CIC: variants seen among roughly 807,000 people sequenced by gnomAD.
CIC encodes the protein capicua transcriptional repressor.
In CIC, 18 loss-of-function variants were observed where a neutral mutation model predicts 115.7. That is an observed-to-expected ratio of 0.16 (90% CI 0.11 to 0.23). The LOEUF is 0.23. Ranked by LOEUF, CIC falls within the 10% of genes least tolerant of loss-of-function variation. The pLI, the probability that CIC is intolerant of heterozygous loss-of-function variation, is 1.00. For missense variants in CIC, 2,000 were observed against 2,159.3 expected (o/e 0.93, Z 1.46); for synonymous variants, 1,076 against 923.0 (o/e 1.17, Z -3.01).
chr19:42,285,132 G>A (rs1568499596), intron 2 of CIC, among the ~76,000 whole-genome samples: 1 of 152,126 alleles, frequency 6.6e-6, no homozygotes, highest in Non-Finnish European at 1.5e-5. Flanking sequence ...GCTAAGGACA[G>A]GGCTCAGGAA....
rs2037179391 is a variant in CIC at position 42,280,458 on chromosome 19, C to T, written c.2794+5881C>T. On this transcript the variant is annotated intron_variant, in intron 2 of 20. Coordinates refer to ENST00000681038, the MANE Select transcript of CIC (RefSeq NM_001386298.1). This position sits in a 1 kb window ranked among gnomAD's most constrained non-coding sequence, Gnocchi z 4.9. ...TTCCCGCGCGCCCCTGGGTGCAGAC[C>T]TCCTGTGTCGGGCCTCCGTCCTTCT... 2.0e-5 allele frequency among the ~76,000 whole-genome samples: 3 copies of T among 152,290 alleles called. No homozygotes were observed. Among genetic ancestry groups the T allele is most frequent in the Admixed American group, 2.0e-4 (3 of 15,306 alleles).
intron 2 of CIC, among the ~76,000 whole-genome samples, chr19:42,276,925 C>A (rs1270366123): frequency 6.6e-6 from 1 of 152,138 alleles, no homozygotes; most frequent in Non-Finnish European, 1.5e-5. Context: ...AAAAGTGAGG[C>A]CCTGACAAAT....
At chr19:42,278,900 A>G (rs2037097678) in intron 2 of CIC, among the ~76,000 whole-genome samples, 1 of 152,210 alleles carries the variant, frequency 6.6e-6, no homozygotes, top group African/African-American at 2.4e-5. Context: ...ACCTGTTCCC[A>G]AGACAGGCAG....
chr19:42,286,973 T>C (rs939057598), intron 3 of CIC, 33 bp from the exon 4 acceptor site: 20 of 1,607,956 alleles, frequency 1.2e-5, no homozygotes, highest in Admixed American at 1.7e-5. Context: ...CCAGGTGGCC[T>C]AGGAGCCCTC....
chr19:42,290,143 T>G (rs2037968430), intron 10 of CIC, 90 bp from the exon 11 acceptor site: 3 of 1,585,816 alleles, frequency 1.9e-6, no homozygotes, highest in African/African-American at 2.7e-5. Flanking sequence ...TAGGCTGGCC[T>G]GGCTGACAGG....
rs2147255892 is a variant in CIC, at chr19:42,290,539, C to T, written c.4498C>T (p.Leu1500Phe). The T allele has an allele frequency of 1.9e-6, 3 of 1,613,536 alleles. No homozygotes were observed. Among genetic ancestry groups the T allele is most frequent in the Non-Finnish European group, 2.5e-6 (3 of 1,179,898 alleles). Residue 1500 changes from leucine to phenylalanine, a missense_variant, in exon 11 of 21, where the codon CTC becomes TTC. Leu to Phe is a conservative substitution (Grantham distance 22). This residue lies in a region of CIC where 1,466 missense variants were observed against 1,390.4 expected (regional missense o/e 1.05). Coordinates refer to ENST00000681038, the MANE Select transcript of CIC (RefSeq NM_001386298.1). Reference protein sequence around the residue: ...PATPSKATRFLPMDPATFRRK... With the variant: ...PATPSKATRFFPMDPATFRRK... ...GACACCTTCCAAGGCAACCCGGTTC[C>T]TCCCAATGGATCCTGCCACCTTCCG...
In CIC at chr19:42,293,251, G is replaced by T; in HGVS notation, c.6492G>T (p.Glu2164Asp). The T allele has an allele frequency of 6.3e-7, 1 of 1,587,350 alleles. No homozygotes were observed. The highest frequency in any genetic ancestry group is 8.6e-7 in the Non-Finnish European group (1 of 1,168,810). ...SSPPLPPPAE[E>D]RTSAKGPETM... ...CCCCACTGCCCCCACCTGCTGAGGA[G>T]CGGACCAGCGCCAAGGGCCCTGAGA... is the stretch of plus-strand genomic sequence containing the variant. Residue 2164 changes from glutamate to aspartate, a missense_variant, in exon 16 of 21, where the codon GAG becomes GAT. Physicochemically the swap from Glu to Asp is conservative, Grantham distance 45 (BLOSUM62 2). This residue lies in a region of CIC where 1,466 missense variants were observed against 1,390.4 expected (regional missense o/e 1.05). Transcript: ENST00000681038.
At position 42,286,916 on chromosome 19, in the gene CIC, C is replaced by A; in HGVS notation, c.2940C>A (p.Ser980Arg). 6.2e-7 allele frequency: 1 copy of A among 1,611,086 alleles called. No individual in the cohort carries two copies. ...PASHPVASNQ[S>R]KEPAESAAVA... is the part of the protein sequence containing the mutation. The stretch of plus-strand genomic sequence containing the variant: ...GCCACCCAGTGGCCTCCAACCAGAG[C>A]AAAGGTGAGGGCTGGTGGGGACTGG... The change falls in exon 3 of 21, where the codon AGC becomes AGA. Residue 980 changes from serine (S) to arginine (R), a missense_variant. Coordinates refer to ENST00000681038, the MANE Select transcript of CIC (RefSeq NM_001386298.1).
Position 42,272,808 on chromosome 19 carries a change from C to T in CIC, c.1025C>T (p.Pro342Leu), listed in dbSNP as rs2036836931. 1.5e-5 allele frequency: 6 copies of T among 398,922 alleles called. No homozygotes were observed. The highest frequency in any genetic ancestry group is 2.6e-5 in the Non-Finnish European group (6 of 226,416). 24.7% of individuals were successfully genotyped at this position (398,922 alleles called of 1,614,324 possible). ...ARSSLRLLRP[P>L]WEPETMLRKP... Reference sequence around the variant, plus strand: ...TCCAGCCTACGCCTGCTGCGCCCCCCCTGGGAACCTGAGACCATGCTGAGG... The same window carrying T: ...TCCAGCCTACGCCTGCTGCGCCCCCTCTGGGAACCTGAGACCATGCTGAGG... Residue 342 changes from proline (P) to leucine (L), a missense_variant, in exon 2 of 21, where the codon CCC becomes CTC. Physicochemically the swap from Pro to Leu is moderately conservative, Grantham distance 98. Coordinates refer to ENST00000681038, the MANE Select transcript of CIC (RefSeq NM_001386298.1).
chr19:42,278,728 G>A (rs765026832), intron 2 of CIC, among the ~76,000 whole-genome samples: 8 of 152,212 alleles, frequency 5.3e-5, no homozygotes, highest in Non-Finnish European at 1.0e-4. Context: ...GTGGGCAGTT[G>A]CCAAGCACCA....
chr19:42,285,242 TGGGGA>T (rs1395588712), intron 2 of CIC, among the ~76,000 whole-genome samples: 1 of 152,036 alleles, frequency 6.6e-6, no homozygotes, highest in Non-Finnish European at 1.5e-5. Context: ...GGTTGTGCAC[TGGGGA>T]GGGGTTCAGG....
In CIC at chr19:42,292,201, C is replaced by T; in HGVS notation, c.5729C>T (p.Ser1910Phe). Residue 1910 changes from serine (S) to phenylalanine (F), a missense_variant, in exon 13 of 21, where the codon TCC (serine) becomes TTC (phenylalanine). Physicochemically the swap from Ser to Phe is radical, Grantham distance 155. Transcript: ENST00000681038. The part of the protein sequence containing the change: ...SQPQKVLLPS[S>F]TRITYVQSAG... Reference sequence around the variant, plus strand: ...CCTCAGAAGGTCCTGTTGCCCTCCTCCACCAGGTAATTGCAGCTGAGCCCA... The same window carrying T: ...CCTCAGAAGGTCCTGTTGCCCTCCTTCACCAGGTAATTGCAGCTGAGCCCA... 6.2e-7 allele frequency: 1 copy of T among 1,614,034 alleles called. No individual in the cohort carries two copies. The highest frequency in any genetic ancestry group is 8.5e-7 in the Non-Finnish European group (1 of 1,180,020).
At chr19:42,289,765 GCT>G in intron 9 of CIC, 81 bp from the exon 10 acceptor site, 2 of 1,222,094 alleles carry the variant, frequency 1.6e-6, no homozygotes, top group Non-Finnish European at 2.4e-6. Flanking sequence ...TTGGAGCAGA[GCT>G]GAGATCCAGG....
rs1345486283 is a variant in CIC, at chr19:42,280,874, C to T, written c.2795-5897C>T. Among the ~76,000 whole-genome samples, 2 of 151,646 alleles carry T rather than the reference C, an allele frequency of 1.3e-5. No homozygotes were observed. The highest frequency in any genetic ancestry group is 2.9e-5 in the Non-Finnish European group (2 of 67,814). On this transcript the variant is annotated intron_variant, in intron 2 of 20. Coordinates refer to ENST00000681038, the MANE Select transcript of CIC (RefSeq NM_001386298.1). The surrounding 1 kb of genome is among the most constrained non-coding windows in gnomAD (Gnocchi z 4.9). ...CCCAAGCGCCTGTACACCCCTTTCC[C>T]GCCCCCGCACCTTCCCTTCCCCAAA...
At chr19:42,275,426 G>GT (rs1244497126) in intron 2 of CIC, among the ~76,000 whole-genome samples, 1 of 152,232 alleles carries the variant, frequency 6.6e-6, no homozygotes, top group Non-Finnish European at 1.5e-5. Flanking sequence ...CAACCGTGGG[G>GT]TGGAAGAGCC....
At chr19:42,294,498 TC>T in intron 19 of CIC, 105 bp from the exon 20 acceptor site, 1 of 1,580,552 alleles carries the variant, frequency 6.3e-7, no homozygotes, top group Non-Finnish European at 8.6e-7. Context: ...CCTCTCTGAC[TC>T]CCCTGTGAAA....
Position 42,295,143 on chromosome 19 carries a change from G to GGGGGCCCCC in CIC, c.7506_7507insGGGGCCCCC (p.Gln2502_Pro2503insGlyAlaPro). 19 of 1,382,678 alleles carry GGGGGCCCCC rather than the reference G, an allele frequency of 1.4e-5. No individual in the cohort carries two copies. The highest frequency in any genetic ancestry group is 1.7e-5 in the Non-Finnish European group (18 of 1,037,784). 85.7% of individuals were successfully genotyped at this position (1,382,678 alleles called of 1,614,324 possible). ...AGCCTGGCTGGGAGGGGGCTCCCCA[G>GGGGGCCCCC]CCCTCCCCCCCACCCCCAGGTCCCT... On this transcript the variant is annotated inframe_insertion, in exon 21 of 21. Coordinates refer to ENST00000681038, the MANE Select transcript of CIC (RefSeq NM_001386298.1).
rs2037706245 is a variant in CIC at position 42,287,082 on chromosome 19, T to A, written c.3021T>A (p.Pro1007=). The A allele has an allele frequency of 6.2e-7, 1 of 1,613,030 alleles. No homozygotes were observed. Among genetic ancestry groups the A allele is most frequent in the African/African-American group, 1.3e-5 (1 of 74,874 alleles). ...GTGSADPERP[P]GATCPESPGP... ...GGAGTGCTGACCCTGAGCGGCCCCC[T>A]GGAGCCACATGCCCTGAGAGCCCAG... The change falls in exon 4 of 21, where the codon CCT becomes CCA. Residue 1007 remains proline (P), a synonymous_variant. Transcript: ENST00000681038. This position sits in a 1 kb window ranked among gnomAD's most constrained non-coding sequence, Gnocchi z 8.7.
At chr19:42,279,489 A>G (rs948214476) in intron 2 of CIC, among the ~76,000 whole-genome samples, 1 of 152,244 alleles carries the variant, frequency 6.6e-6, no homozygotes, top group African/African-American at 2.4e-5. Flanking sequence ...AGTATGAGGA[A>G]TGAGTAGATT....
Sources: allele counts gnomAD v4.1 joint callset (sites outside exome capture counted in the v4.1 genomes callset), GRCh38; gene constraint gnomAD v4.1.1; regional missense constraint gnomAD v4.1.1; non-coding constraint Gnocchi (gnomAD v3.1); transcripts MANE v1.5; gene names NCBI Gene and HGNC (gene_info 2026-07-23, HGNC 2026-07-21).